TAS2R41: variants seen among roughly 807,000 people sequenced by gnomAD.
TAS2R41 encodes the protein taste 2 receptor member 41.
In TAS2R41, 33 loss-of-function variants were observed where a neutral mutation model predicts 25.1. The observed-to-expected ratio is 1.31, with a 90% confidence interval of 1.00 to 1.76. TAS2R41 has a LOEUF of 1.76. Among genes scored for constraint, TAS2R41 ranks in the 40% most tolerant of loss-of-function variants. The pLI, the probability that TAS2R41 is intolerant of heterozygous loss-of-function variation, is 0.00. For synonymous variants in TAS2R41, 151 were observed against 151.6 expected (o/e 1.00, Z 0.03); for missense variants, 319 against 359.4 (o/e 0.89, Z 0.91).
rs775962979 is a variant in TAS2R41, at chr7:143,478,769, G to T, written c.897G>T (p.Leu299Phe). The T allele has an allele frequency of 1.2e-6, 2 of 1,613,440 alleles. No individual in the cohort carries two copies. The highest frequency in any genetic ancestry group is 1.7e-5 in the Admixed American group (1 of 60,004). Residue 299 changes from leucine to phenylalanine, a missense_variant, in exon 1 of 1, where the codon TTG (leucine) becomes TTT (phenylalanine). Leu to Phe is a conservative substitution (Grantham distance 22). Coordinates refer to ENST00000408916, the MANE Select transcript of TAS2R41 (RefSeq NM_176883.2). ...KLRSVFSQLL[L>F]LARGFWVA ...GAAGCGTGTTCTCGCAGCTCCTGTT[G>T]TTGGCAAGGGGCTTCTGGGTGGCCT...
At position 143,478,275 on chromosome 7, in the gene TAS2R41, T is replaced by C. The variant is rs1807069487; in HGVS notation, c.403T>C (p.Leu135=). 2.5e-6 allele frequency: 4 copies of C among 1,613,994 alleles called. No individual in the cohort carries two copies. Among genetic ancestry groups the C allele is most frequent in the Admixed American group, 3.3e-5 (2 of 59,992 alleles). Residue 135 remains leucine (L), a synonymous_variant, in exon 1 of 1, where the codon TTG becomes CTG. Transcript: ENST00000408916. The part of the protein sequence containing the change: ...RFPGWVPWLL[L]GSVLISFIIT... ...CCCAGGGTGGGTGCCCTGGCTCCTG[T>C]TGGGCTCTGTCCTGATCTCCTTCAT...
rs760748906 is a variant in TAS2R41 at position 143,478,247 on chromosome 7, G to T, written c.375G>T (p.Arg125Ser). 3.1e-6 allele frequency: 5 copies of T among 1,613,920 alleles called. No homozygotes were observed. The African/African-American group carries it at 4.0e-5, about 13-fold the overall frequency. The change falls in exon 1 of 1, where the codon AGG becomes AGT. Residue 125 changes from arginine to serine, a missense_variant. Coordinates refer to ENST00000408916, the MANE Select transcript of TAS2R41 (RefSeq NM_176883.2). ...THSTFLWLKW[R>S]FPGWVPWLLL... is the part of the protein sequence containing the mutation. ...CCACCTTCCTGTGGCTGAAGTGGAG[G>T]TTCCCAGGGTGGGTGCCCTGGCTCC...
chr7:143,478,000 C>G lies in TAS2R41; in HGVS notation c.128C>G (p.Pro43Arg). 1 of 1,614,048 alleles carries G rather than the reference C, an allele frequency of 6.2e-7. No individual in the cohort carries two copies. Among genetic ancestry groups the G allele is most frequent in the Non-Finnish European group, 8.5e-7 (1 of 1,180,026 alleles). ...REWLRYGRLL[P>R]LDMILISLGA... ...TGGCTGCGATATGGCAGGTTGCTGC[C>G]CTTGGATATGATCCTCATTAGCTTG... is the stretch of plus-strand genomic sequence containing the variant. Residue 43 changes from proline to arginine, a missense_variant, in exon 1 of 1, where the codon CCC (proline) becomes CGC (arginine). Coordinates refer to ENST00000408916, the MANE Select transcript of TAS2R41 (RefSeq NM_176883.2). The surrounding 1 kb of genome is among the most constrained non-coding windows in gnomAD (Gnocchi z 4.0).
chr7:143,478,583 C>T lies in TAS2R41; in HGVS notation c.711C>T (p.Ile237=), dbSNP rs760958210. The T allele has an allele frequency of 5.0e-6, 8 of 1,614,180 alleles. No homozygotes were observed. Among genetic ancestry groups the T allele is most frequent in the Non-Finnish European group, 6.8e-6 (8 of 1,180,016 alleles). Residue 237 remains isoleucine (I), a synonymous_variant, in exon 1 of 1, where the codon ATC becomes ATT. Coordinates refer to ENST00000408916, the MANE Select transcript of TAS2R41 (RefSeq NM_176883.2). Reference sequence around the variant, plus strand: ...ACACCAGAGCTCTGAAGTCCCTCATCTCCTTCCTCATTCTTTATGCTCTGT... The same window carrying T: ...ACACCAGAGCTCTGAAGTCCCTCATTTCCTTCCTCATTCTTTATGCTCTGT... ...QAHTRALKSL[I]SFLILYALSF... is the part of the protein sequence containing the mutation.
Position 143,477,892 on chromosome 7 carries a change from C to T in TAS2R41, c.20C>T (p.Ala7Val), listed in dbSNP as rs1807055524. The change falls in exon 1 of 1, where the codon GCC (alanine) becomes GTC (valine). Residue 7 changes from alanine to valine, a missense_variant. Coordinates refer to ENST00000408916, the MANE Select transcript of TAS2R41 (RefSeq NM_176883.2). This position sits in a 1 kb window ranked among gnomAD's most constrained non-coding sequence, Gnocchi z 4.0. The part of the protein sequence containing the change: MQAALT[A>V]FFVLLFSLLS... Reference sequence around the variant, plus strand: ...GTCAGAATGCAAGCAGCACTGACGGCCTTCTTCGTGTTGCTCTTTAGCCTG... The same window carrying T: ...GTCAGAATGCAAGCAGCACTGACGGTCTTCTTCGTGTTGCTCTTTAGCCTG... 1 of 1,614,098 alleles carries T rather than the reference C, an allele frequency of 6.2e-7. No homozygotes were observed. The highest frequency in any genetic ancestry group is 8.5e-7 in the Non-Finnish European group (1 of 1,180,012).
Position 143,478,305 on chromosome 7 carries a change from AC to A in TAS2R41, c.436del (p.Leu146CysfsTer6). 1 of 1,613,838 alleles carries A rather than the reference AC, an allele frequency of 6.2e-7. No individual in the cohort carries two copies. Among genetic ancestry groups the A allele is most frequent in the African/African-American group, 1.3e-5 (1 of 74,896 alleles). ...LGSVLISFII[T>X]LLFFWVNYPV... is the part of the protein sequence containing the mutation. ...CTCTGTCCTGATCTCCTTCATCATAACCCTGCTGTTTTTTTGGGTGAACTAC... is the reference window on the plus strand; with the variant it reads ...CTCTGTCCTGATCTCCTTCATCATAACCTGCTGTTTTTTTGGGTGAACTAC... On this transcript the variant is annotated frameshift_variant, in exon 1 of 1. Coordinates refer to ENST00000408916, the MANE Select transcript of TAS2R41 (RefSeq NM_176883.2). LOFTEE classifies it high-confidence loss of function.
rs2116771386 is a variant in TAS2R41 at position 143,478,215 on chromosome 7, A to G, written c.343A>G (p.Thr115Ala). 1 of 1,614,002 alleles carries G rather than the reference A, an allele frequency of 6.2e-7. No homozygotes were observed. Among genetic ancestry groups the G allele is most frequent in the African/African-American group, 1.3e-5 (1 of 74,990 alleles). The change falls in exon 1 of 1, where the codon ACA becomes GCA. Residue 115 changes from threonine (T) to alanine (A), a missense_variant. Physicochemically the swap from Thr to Ala is moderately conservative, Grantham distance 58. Coordinates refer to ENST00000408916, the MANE Select transcript of TAS2R41 (RefSeq NM_176883.2). ...VLFCVKIANI[T>A]HSTFLWLKWR... ...GTTCTGTGTGAAGATTGCTAACATC[A>G]CACACTCCACCTTCCTGTGGCTGAA...
In TAS2R41 at chr7:143,478,078, A is replaced by G. The variant is rs1442097222; in HGVS notation, c.206A>G (p.Tyr69Cys). The G allele has an allele frequency of 1.9e-6, 3 of 1,613,392 alleles. No individual in the cohort carries two copies. The highest frequency in any genetic ancestry group is 2.7e-5 in the African/African-American group (2 of 74,664). Reference protein sequence around the residue: ...QLVGTVHNFYYSAQKVEYSGG... With the variant: ...QLVGTVHNFYCSAQKVEYSGG... ...GTTGGGACGGTGCACAACTTCTACTACTCTGCCCAGAAGGTCGAGTACTCT... is the reference window on the plus strand; with the variant it reads ...GTTGGGACGGTGCACAACTTCTACTGCTCTGCCCAGAAGGTCGAGTACTCT... The change falls in exon 1 of 1, where the codon TAC becomes TGC. Residue 69 changes from tyrosine to cysteine, a missense_variant. By Grantham distance (194) the Tyr-to-Cys change is radical. Coordinates refer to ENST00000408916, the MANE Select transcript of TAS2R41 (RefSeq NM_176883.2).
In TAS2R41 at chr7:143,478,793, C is replaced by T; in HGVS notation, c.921C>T (p.Ala307=). 1 of 1,611,134 alleles carries T rather than the reference C, an allele frequency of 6.2e-7. No homozygotes were observed. ...LLLLARGFWV[A] is the part of the protein sequence containing the mutation. ...TGTTGGCAAGGGGCTTCTGGGTGGC[C>T]TAGATGGCATGGTTTCCTTATCTAG... The change falls in exon 1 of 1, where the codon GCC becomes GCT. Residue 307 remains alanine, a synonymous_variant. Transcript: ENST00000408916.
chr7:143,478,150 A>G lies in TAS2R41; in HGVS notation c.278A>G (p.Asn93Ser). The G allele has an allele frequency of 3.1e-6, 5 of 1,613,830 alleles. No homozygotes were observed. Among genetic ancestry groups the G allele is most frequent in the Non-Finnish European group, 4.2e-6 (5 of 1,179,974 alleles). ...QFFHLHWHFL[N>S]SATFWFCSWL... ...TTCCATCTACACTGGCACTTCCTGAACTCAGCCACCTTCTGGTTTTGCAGC... is the reference window on the plus strand; with the variant it reads ...TTCCATCTACACTGGCACTTCCTGAGCTCAGCCACCTTCTGGTTTTGCAGC... Residue 93 changes from asparagine to serine, a missense_variant, in exon 1 of 1, where the codon AAC becomes AGC. Transcript: ENST00000408916.
rs1295528611 is a variant in TAS2R41, at chr7:143,478,580, C to T, written c.708C>T (p.Leu236=). 6.2e-7 allele frequency: 1 copy of T among 1,613,948 alleles called. No individual in the cohort carries two copies. Among genetic ancestry groups the T allele is most frequent in the South Asian group, 1.1e-5 (1 of 91,076 alleles). Residue 236 remains leucine (L), a synonymous_variant, in exon 1 of 1, where the codon CTC becomes CTT. Coordinates refer to ENST00000408916, the MANE Select transcript of TAS2R41 (RefSeq NM_176883.2). ...CTCACACCAGAGCTCTGAAGTCCCTCATCTCCTTCCTCATTCTTTATGCTC... is the reference window on the plus strand; with the variant it reads ...CTCACACCAGAGCTCTGAAGTCCCTTATCTCCTTCCTCATTCTTTATGCTC... ...TQAHTRALKS[L]ISFLILYALS... is the part of the protein sequence containing the mutation.
Position 143,478,400 on chromosome 7 carries a change from A to G in TAS2R41, c.528A>G (p.Ile176Met), listed in dbSNP as rs912895230. The G allele has an allele frequency of 4.3e-6, 7 of 1,614,056 alleles. No individual in the cohort carries two copies. Among genetic ancestry groups the G allele is most frequent in the Non-Finnish European group, 5.9e-6 (7 of 1,180,042 alleles). Reference protein sequence around the residue: ...GNMTYKWNTRIETYYFPSLKL... With the variant: ...GNMTYKWNTRMETYYFPSLKL... ...TGACCTACAAGTGGAATACAAGGAT[A>G]GAAACATACTATTTCCCATCCCTGA... Residue 176 changes from isoleucine to methionine, a missense_variant, in exon 1 of 1, where the codon ATA becomes ATG. Coordinates refer to ENST00000408916, the MANE Select transcript of TAS2R41 (RefSeq NM_176883.2).
chr7:143,478,012 T>C lies in TAS2R41; in HGVS notation c.140T>C (p.Ile47Thr). ...GGCAGGTTGCTGCCCTTGGATATGATCCTCATTAGCTTGGGTGCCTCCCGC... is the reference window on the plus strand; with the variant it reads ...GGCAGGTTGCTGCCCTTGGATATGACCCTCATTAGCTTGGGTGCCTCCCGC... The part of the protein sequence containing the change: ...RYGRLLPLDM[I>T]LISLGASRFC... The change falls in exon 1 of 1, where the codon ATC becomes ACC. Residue 47 changes from isoleucine to threonine, a missense_variant. Physicochemically the swap from Ile to Thr is moderately conservative, Grantham distance 89 (BLOSUM62 -1). Transcript: ENST00000408916. The C allele has an allele frequency of 6.2e-7, 1 of 1,614,084 alleles. No homozygotes were observed. Among genetic ancestry groups the C allele is most frequent in the South Asian group, 1.1e-5 (1 of 91,068 alleles).
chr7:143,478,512 A>G lies in TAS2R41; in HGVS notation c.640A>G (p.Met214Val). 6.2e-7 allele frequency: 1 copy of G among 1,614,106 alleles called. No individual in the cohort carries two copies. The highest frequency in any genetic ancestry group is 8.5e-7 in the Non-Finnish European group (1 of 1,180,008). Residue 214 changes from methionine (M) to valine (V), a missense_variant, in exon 1 of 1, where the codon ATG becomes GTG. By Grantham distance (21) the Met-to-Val change is conservative. Transcript: ENST00000408916. ...INSLRRHTQR[M>V]QHNGHSLQDP... ...TTCTCTGAGGAGGCATACTCAGAGA[A>G]TGCAGCACAACGGGCACAGCCTGCA...
Position 143,478,636 on chromosome 7 carries a change from C to A in TAS2R41, c.764C>A (p.Ala255Glu). Reference protein sequence around the residue: ...LSFLSLIIDAAKFISMQNDFY... With the variant: ...LSFLSLIIDAEKFISMQNDFY... Reference sequence around the variant, plus strand: ...TTTCTGTCCCTGATCATTGATGCCGCAAAATTTATCTCCATGCAGAACGAC... The same window carrying A: ...TTTCTGTCCCTGATCATTGATGCCGAAAAATTTATCTCCATGCAGAACGAC... Residue 255 changes from alanine to glutamate, a missense_variant, in exon 1 of 1, where the codon GCA becomes GAA. Transcript: ENST00000408916. 6.2e-7 allele frequency: 1 copy of A among 1,614,100 alleles called. No homozygotes were observed. The highest frequency in any genetic ancestry group is 8.5e-7 in the Non-Finnish European group (1 of 1,180,018).
chr7:143,478,285 T>C lies in TAS2R41; in HGVS notation c.413T>C (p.Val138Ala). 2 of 1,614,050 alleles carry C rather than the reference T, an allele frequency of 1.2e-6. No homozygotes were observed. The highest frequency in any genetic ancestry group is 1.7e-6 in the Non-Finnish European group (2 of 1,180,004). ...GWVPWLLLGSVLISFIITLLF... is the reference protein window; with the variant it reads ...GWVPWLLLGSALISFIITLLF... ...GTGCCCTGGCTCCTGTTGGGCTCTG[T>C]CCTGATCTCCTTCATCATAACCCTG... The change falls in exon 1 of 1, where the codon GTC (valine) becomes GCC (alanine). Residue 138 changes from valine to alanine, a missense_variant. Coordinates refer to ENST00000408916, the MANE Select transcript of TAS2R41 (RefSeq NM_176883.2).
rs146786143 is a variant in TAS2R41 at position 143,478,594 on chromosome 7, T to G, written c.722T>G (p.Ile241Ser). The G allele has an allele frequency of 8.7e-6, 14 of 1,614,196 alleles. No individual in the cohort carries two copies. The African/African-American group carries it at 1.7e-4, about 20-fold the overall frequency. The change falls in exon 1 of 1, where the codon ATT becomes AGT. Residue 241 changes from isoleucine (I) to serine (S), a missense_variant. Transcript: ENST00000408916. The stretch of plus-strand genomic sequence containing the variant: ...CTGAAGTCCCTCATCTCCTTCCTCA[T>G]TCTTTATGCTCTGTCCTTTCTGTCC... ...RALKSLISFL[I>S]LYALSFLSLI...
rs1807064576 is a variant in TAS2R41 at position 143,478,135 on chromosome 7, A to G, written c.263A>G (p.His88Arg). The change falls in exon 1 of 1, where the codon CAC becomes CGC. Residue 88 changes from histidine (H) to arginine (R), a missense_variant. By Grantham distance (29) the His-to-Arg change is conservative (BLOSUM62 0). Transcript: ENST00000408916. ...GGLGRQFFHLHWHFLNSATFW... is the reference protein window; with the variant it reads ...GGLGRQFFHLRWHFLNSATFW... ...CTCGGCCGACAGTTCTTCCATCTAC[A>G]CTGGCACTTCCTGAACTCAGCCACC... 1.2e-6 allele frequency: 2 copies of G among 1,613,970 alleles called. No homozygotes were observed. Among genetic ancestry groups the G allele is most frequent in the Non-Finnish European group, 1.7e-6 (2 of 1,180,008 alleles).
Position 143,478,011 on chromosome 7 carries a change from A to G in TAS2R41, c.139A>G (p.Ile47Val). Residue 47 changes from isoleucine (I) to valine (V), a missense_variant, in exon 1 of 1, where the codon ATC becomes GTC. Physicochemically the swap from Ile to Val is conservative, Grantham distance 29. Coordinates refer to ENST00000408916, the MANE Select transcript of TAS2R41 (RefSeq NM_176883.2). Reference protein sequence around the residue: ...RYGRLLPLDMILISLGASRFC... With the variant: ...RYGRLLPLDMVLISLGASRFC... Reference sequence around the variant, plus strand: ...TGGCAGGTTGCTGCCCTTGGATATGATCCTCATTAGCTTGGGTGCCTCCCG... The same window carrying G: ...TGGCAGGTTGCTGCCCTTGGATATGGTCCTCATTAGCTTGGGTGCCTCCCG... 2 of 1,613,950 alleles carry G rather than the reference A, an allele frequency of 1.2e-6. No individual in the cohort carries two copies. Among genetic ancestry groups the G allele is most frequent in the Middle Eastern group, 3.3e-4 (2 of 6,060 alleles).
Sources: allele counts gnomAD v4.1 joint callset, GRCh38; gene constraint gnomAD v4.1.1; non-coding constraint Gnocchi (gnomAD v3.1); transcripts MANE v1.5; gene names NCBI Gene and HGNC (gene_info 2026-07-23, HGNC 2026-07-21).